The following STOX2 variants were observed in gnomAD, a reference collection of about 807,000 sequenced individuals.
STOX2 encodes storkhead box 2, also known as storkhead-box protein 2.
Under a neutral mutation model 60.9 loss-of-function variants are expected in STOX2, and 28 were observed. The ratio of observed to expected loss-of-function variants is 0.46; its 90% confidence interval spans 0.34 to 0.63. STOX2 has a LOEUF of 0.63. Ranked by LOEUF, STOX2 falls within the 30% of genes least tolerant of loss-of-function variation. STOX2 has a pLI of 0.01. For missense variants in STOX2, 1,024 were observed against 1,187.7 expected, an observed-to-expected ratio of 0.86 and a Z score of 2.03; for synonymous variants, 472 against 463.9, an observed-to-expected ratio of 1.02 and a Z score of -0.22.
At chr4:183,929,243 G>T (rs564973302) in intron 1 of STOX2, among the ~76,000 whole-genome samples, 3 of 152,214 alleles carry the variant, frequency 2.0e-5, no homozygotes, top group Non-Finnish European at 4.4e-5. Flanking sequence ...GACCAAAAGA[G>T]TTCAGAGCTG....
intron 1 of STOX2, among the ~76,000 whole-genome samples, chr4:183,896,623 T>A (rs62339670): frequency 0.026 from 3,943 of 152,342 alleles, 88 homozygotes; most frequent in Non-Finnish European, 0.036. Context: ...ATTACAGGCA[T>A]GAGCCATCAC....
chr4:183,983,415 C>T (rs1053788234), intron 1 of STOX2, among the ~76,000 whole-genome samples: 2 of 152,240 alleles, frequency 1.3e-5, no homozygotes, highest in African/African-American at 4.8e-5. Flanking sequence ...ATGCTAGGAT[C>T]TCACGTGCTG....
rs1740549228 is a variant in STOX2, at chr4:183,865,765, T to G, written c.364+67710T>G. Among the ~76,000 whole-genome samples, 1 of 152,166 alleles carries G rather than the reference T, an allele frequency of 6.6e-6. No homozygotes were observed. Among genetic ancestry groups the G allele is most frequent in the Admixed American group, 6.5e-5 (1 of 15,286 alleles). ...GGAACGAAATGGCATGAACACAGGC[T>G]AGAAGGCAAGAAAACCCTGGTTGTA... On this transcript the variant is annotated intron_variant, in intron 1 of 2. Transcript: ENST00000513034. This position sits in a 1 kb window ranked among gnomAD's most constrained non-coding sequence, Gnocchi z 4.1.
rs142563403 is a variant in STOX2 at position 183,914,456 on chromosome 4, A to T, written c.166+7500A>T. Among the ~76,000 whole-genome samples, 401 of 152,302 alleles carry T rather than the reference A, an allele frequency of 2.6e-3. 1 individual carries two copies. Among genetic ancestry groups the T allele is most frequent in the African/African-American group, 7.4e-3 (309 of 41,560 alleles). ...TTGTCTCAAAAATAAAAATAAAAAT[A>T]AAAATTAAAAAGCTGCAACTGATTT... On this transcript the variant is annotated intron_variant, in intron 1 of 3. Transcript: ENST00000308497.
At chr4:183,855,702 G>A (rs1199838201) in intron 1 of STOX2, among the ~76,000 whole-genome samples, 1 of 152,192 alleles carries the variant, frequency 6.6e-6, no homozygotes, top group Admixed American at 6.5e-5. Flanking sequence ...AAAGCGCTAA[G>A]TAGGCATAGT....
intron 1 of STOX2, among the ~76,000 whole-genome samples, chr4:183,943,676 A>G (rs1218296194): frequency 6.6e-6 from 1 of 152,228 alleles, no homozygotes; most frequent in Non-Finnish European, 1.5e-5. Flanking sequence ...CAGGAGTTCG[A>G]GACCAGCCTG....
chr4:183,971,541 A>T (rs1743742887), intron 1 of STOX2, among the ~76,000 whole-genome samples: 1 of 152,208 alleles, frequency 6.6e-6, no homozygotes, highest in Non-Finnish European at 1.5e-5. Context: ...ACTCCAAAGA[A>T]AATAGTTGGC....
chr4:183,858,430 G>T (rs528572100), intron 1 of STOX2, among the ~76,000 whole-genome samples: 2 of 152,310 alleles, frequency 1.3e-5, no homozygotes, highest in East Asian at 3.9e-4. Context: ...CTCTGCTTCC[G>T]ACTTTCCATT....
intron 1 of STOX2, among the ~76,000 whole-genome samples, chr4:183,931,152 G>A (rs933113464): frequency 3.3e-5 from 5 of 152,014 alleles, no homozygotes; most frequent in Admixed American, 1.3e-4. Context: ...GGTTGGGCAC[G>A]GTGGCTCACA....
chr4:183,864,829 C>A (rs925543520), intron 1 of STOX2, among the ~76,000 whole-genome samples: 5 of 152,208 alleles, frequency 3.3e-5, no homozygotes, highest in African/African-American at 1.2e-4. Context: ...CAATGTGTCC[C>A]ACTACCACTT....
At chr4:183,866,445 C>A (rs1188255827) in intron 1 of STOX2, among the ~76,000 whole-genome samples, 1 of 152,130 alleles carries the variant, frequency 6.6e-6, no homozygotes, top group Non-Finnish European at 1.5e-5. Flanking sequence ...GATGCTTCAG[C>A]CTTCAGAGCT....
intron 1 of STOX2, among the ~76,000 whole-genome samples, chr4:183,941,863 C>A (rs2111130409): frequency 6.6e-6 from 1 of 152,270 alleles, no homozygotes; most frequent in Non-Finnish European, 1.5e-5. Flanking sequence ...ATCTGAGATT[C>A]TCTAGGATGA....
intron 1 of STOX2, among the ~76,000 whole-genome samples, chr4:183,937,932 G>A (rs1195259822): frequency 6.6e-6 from 1 of 152,180 alleles, no homozygotes; most frequent in African/African-American, 2.4e-5. Flanking sequence ...TGGATGGCTT[G>A]AGCCCAGGAG....
At chr4:183,947,340 G>T (rs997984082) in intron 1 of STOX2, among the ~76,000 whole-genome samples, 1 of 151,974 alleles carries the variant, frequency 6.6e-6, no homozygotes, top group South Asian at 2.1e-4. Context: ...TATGGAGCTC[G>T]CAGAGGGCTG....
At chr4:183,818,701 C>T (rs866254987) in intron 1 of STOX2, among the ~76,000 whole-genome samples, 2 of 150,556 alleles carry the variant, frequency 1.3e-5, no homozygotes, top group African/African-American at 2.4e-5. Flanking sequence ...ACCTCCCGGA[C>T]GGGGTAGCCG....
chr4:183,919,541 T>C (rs1273854684), intron 1 of STOX2, among the ~76,000 whole-genome samples: 1 of 152,106 alleles, frequency 6.6e-6, no homozygotes, highest in African/African-American at 2.4e-5. Context: ...GCTCCTGAAA[T>C]GTCAGTATGG....
At position 183,970,757 on chromosome 4, in the gene STOX2, A is replaced by G. The variant is rs182264090; in HGVS notation, c.167-30568A>G. On this transcript the variant is annotated intron_variant, in intron 1 of 3. Transcript: ENST00000308497. Reference sequence around the variant, plus strand: ...TCATTTGGGTCGAGTAAGAAAGTTTATCTATTACCCATAAACCTTTTCTTG... The same window carrying G: ...TCATTTGGGTCGAGTAAGAAAGTTTGTCTATTACCCATAAACCTTTTCTTG... Among the ~76,000 whole-genome samples, 100 of 152,330 alleles carry G rather than the reference A, an allele frequency of 6.6e-4. 2 individuals are homozygous for G. The highest frequency in any genetic ancestry group is 2.3e-3 in the African/African-American group (97 of 41,570).
intron 1 of STOX2, among the ~76,000 whole-genome samples, chr4:183,832,046 A>G (rs1200309507): frequency 4.0e-5 from 6 of 149,996 alleles, no homozygotes; most frequent in Middle Eastern, 3.4e-3. Context: ...CTGGAGTGCA[A>G]TGGAGTGATC....
chr4:183,965,678 C>T (rs576413849), intron 1 of STOX2, among the ~76,000 whole-genome samples: 9 of 152,060 alleles, frequency 5.9e-5, no homozygotes, highest in African/African-American at 1.9e-4. Flanking sequence ...GAGCTTTAGA[C>T]GGGAAGCTCA....
Sources: gnomAD v4.1 joint callset for allele counts (sites outside exome capture counted in the v4.1 genomes callset) on GRCh38, gnomAD v4.1.1 for gene constraint, Gnocchi (gnomAD v3.1) non-coding constraint, MANE v1.5 for transcripts, NCBI Gene and HGNC (gene_info 2026-07-23, HGNC 2026-07-21) for gene names.